The following TNFRSF1B variants were observed in gnomAD, a reference collection of about 807,000 sequenced individuals.
TNFRSF1B encodes TNF receptor superfamily member 1B.
TNFRSF1B carries 19 observed loss-of-function variants against 44.6 expected under a neutral mutation model. That is an observed-to-expected ratio of 0.43 (90% CI 0.30 to 0.62). TNFRSF1B has a LOEUF of 0.62. Among genes scored for constraint, TNFRSF1B ranks in the 20% least tolerant of loss-of-function variants. The pLI is 0.16. For synonymous variants in TNFRSF1B, 252 were observed against 261.1 expected, an observed-to-expected ratio of 0.97 and a Z score of 0.34; for missense variants, 541 against 619.9, an observed-to-expected ratio of 0.87 and a Z score of 1.35.
intron 9 of TNFRSF1B, 145 bp downstream of exon 9, chr1:12,202,316 C>T: frequency 7.6e-7 from 1 of 1,317,738 alleles, no homozygotes; most frequent in Non-Finnish European, 1.0e-6. Flanking sequence ...TTCGCTGAAC[C>T]TAAGTTCCCT....
intron 9 of TNFRSF1B, among the ~76,000 whole-genome samples, chr1:12,205,899 A>T (rs1004585782): frequency 6.6e-6 from 1 of 151,904 alleles, no homozygotes; most frequent in Non-Finnish European, 1.5e-5. Context: ...AAGTGCTGGG[A>T]TTACAGGCGT....
rs368738070 is a variant in TNFRSF1B at position 12,207,330 on chromosome 1, G to T, written c.*310G>T. The T allele has an allele frequency of 3.7e-5, 13 of 348,478 alleles. No homozygotes were observed. The South Asian group carries it at 4.3e-4, about 11-fold the overall frequency. 21.6% of individuals were successfully genotyped at this position (348,478 alleles called of 1,614,324 possible). A position where few individuals can be genotyped will look rare whatever the true frequency, so the allele number is the denominator to read the frequency against. On this transcript the variant is annotated 3_prime_UTR_variant, in exon 10 of 10. Coordinates refer to ENST00000376259, the MANE Select transcript of TNFRSF1B (RefSeq NM_001066.3). ...TGACCTGCCCCGCCCAGCTGCACCT[G>T]CCAGCCTGGCTTCTGGAGCCCTTGG...
intron 8 of TNFRSF1B, among the ~76,000 whole-genome samples, chr1:12,197,093 A>T (rs1050884532): frequency 6.6e-6 from 1 of 151,982 alleles, no homozygotes; most frequent in Non-Finnish European, 1.5e-5. Flanking sequence ...GACTATGGGC[A>T]TGCGCCACCA....
chr1:12,189,305 T>C (rs1056820682), intron 2 of TNFRSF1B, among the ~76,000 whole-genome samples: 2 of 152,222 alleles, frequency 1.3e-5, no homozygotes, highest in Non-Finnish European at 2.9e-5. Flanking sequence ...GATGTTCCCA[T>C]GGAAGCTCTT....
At chr1:12,183,483 T>C (rs2101091824) in intron 1 of TNFRSF1B, among the ~76,000 whole-genome samples, 1 of 152,162 alleles carries the variant, frequency 6.6e-6, no homozygotes, top group Admixed American at 6.5e-5. Flanking sequence ...TATGTATATA[T>C]GTATAGCTAT....
chr1:12,195,302 CA>C (rs1639242573), intron 8 of TNFRSF1B, among the ~76,000 whole-genome samples: 1 of 152,230 alleles, frequency 6.6e-6, no homozygotes, highest in African/African-American at 2.4e-5. Context: ...CCCAAACCTA[CA>C]GGTGACTTTA....
rs761685259 is a variant in TNFRSF1B, at chr1:12,191,847, G to A, written c.381G>A (p.Ala127=). 1.2e-6 allele frequency: 2 copies of A among 1,612,806 alleles called. No homozygotes were observed. The highest frequency in any genetic ancestry group is 1.3e-5 in the African/African-American group (1 of 75,046). ...ICTCRPGWYC[A]LSKQEGCRLC... Reference sequence around the variant, plus strand: ...CCTGCAGGCCCGGCTGGTACTGCGCGCTGAGCAAGCAGGAGGGGTGCCGGC... The same window carrying A: ...CCTGCAGGCCCGGCTGGTACTGCGCACTGAGCAAGCAGGAGGGGTGCCGGC... Residue 127 remains alanine (A), a synonymous_variant, in exon 4 of 10, where the codon GCG becomes GCA. Transcript: ENST00000376259.
rs1324134866 is a variant in TNFRSF1B, at chr1:12,207,094, G to A, written c.*74G>A. ...AGGATGACCCTGCGAAGGGGCCCTG[G>A]TCCTTCCAGGCCCCCACCACTAGGA... On this transcript the variant is annotated 3_prime_UTR_variant, in exon 10 of 10. Transcript: ENST00000376259. The A allele has an allele frequency of 3.4e-6, 5 of 1,456,786 alleles. No individual in the cohort carries two copies. In the Admixed American group the frequency reaches 6.8e-5, roughly 20 times the overall value. 90.2% of individuals were successfully genotyped at this position (1,456,786 alleles called of 1,614,324 possible).
At chr1:12,204,250 C>A (rs1454770748) in intron 9 of TNFRSF1B, among the ~76,000 whole-genome samples, 1 of 152,170 alleles carries the variant, frequency 6.6e-6, no homozygotes, top group African/African-American at 2.4e-5. Flanking sequence ...CAGGGTTGTG[C>A]CCCTTCATGG....
intron 1 of TNFRSF1B, among the ~76,000 whole-genome samples, chr1:12,170,620 C>T (rs980943525): frequency 3.3e-5 from 5 of 152,096 alleles, no homozygotes; most frequent in African/African-American, 7.2e-5. Flanking sequence ...AGAGTTTTGC[C>T]GGAGCCATGG....
In TNFRSF1B at chr1:12,193,077, G is replaced by A. The variant is rs1205723402; in HGVS notation, c.766G>A (p.Gly256Ser). 1 of 1,613,990 alleles carries A rather than the reference G, an allele frequency of 6.2e-7. No individual in the cohort carries two copies. The highest frequency in any genetic ancestry group is 1.1e-5 in the South Asian group (1 of 91,066). ...GPSPPAEGST[G>S]DFALPVGLIV... ...CAGCCCCCCAGCTGAAGGGAGCACT[G>A]GCGACTTCGCTCTTCCAGTTGGTAA... The change falls in exon 6 of 10, where the codon GGC becomes AGC. Residue 256 changes from glycine (G) to serine (S), a missense_variant. Gly to Ser is a moderately conservative substitution (Grantham distance 56, BLOSUM62 0). Coordinates refer to ENST00000376259, the MANE Select transcript of TNFRSF1B (RefSeq NM_001066.3).
Position 12,194,602 on chromosome 1 carries a change from A to G in TNFRSF1B, c.884A>G (p.Gln295Arg), listed in dbSNP as rs5746032. The change falls in exon 8 of 10, where the codon CAG becomes CGG. Residue 295 changes from glutamine to arginine, a missense_variant. Coordinates refer to ENST00000376259, the MANE Select transcript of TNFRSF1B (RefSeq NM_001066.3). ...TTTATAGAGAAGCCCTTGTGCCTGC[A>G]GAGAGAAGCCAAGGTGGTGAGTGTC... ...TQVKKKPLCLQREAKVPHLPA... is the reference protein window; with the variant it reads ...TQVKKKPLCLRREAKVPHLPA... 633 of 1,614,162 alleles carry G rather than the reference A, an allele frequency of 3.9e-4. No individual in the cohort carries two copies. Among genetic ancestry groups the G allele is most frequent in the Non-Finnish European group, 4.9e-4 (583 of 1,179,998 alleles).
intron 8 of TNFRSF1B, among the ~76,000 whole-genome samples, chr1:12,198,647 G>A (rs1297028872): frequency 1.3e-5 from 2 of 150,998 alleles, no homozygotes; most frequent in East Asian, 3.9e-4. Context: ...AGGAGGGGCC[G>A]GGAGCTGAGG....
At position 12,180,055 on chromosome 1, in the gene TNFRSF1B, C is replaced by G. The variant is rs1380442877; in HGVS notation, c.79-8741C>G. Among the ~76,000 whole-genome samples the G allele has an allele frequency of 2.0e-5, 3 of 151,808 alleles. No individual in the cohort carries two copies. The highest frequency in any genetic ancestry group is 4.4e-5 in the Non-Finnish European group (3 of 67,904). On this transcript the variant is annotated intron_variant, in intron 1 of 9. Coordinates refer to ENST00000376259, the MANE Select transcript of TNFRSF1B (RefSeq NM_001066.3). This position sits in a 1 kb window ranked among gnomAD's most constrained non-coding sequence, Gnocchi z 4.3. ...CGTTCTCAGCGGGTAGATCCCTGCC[C>G]AGGGGGGACCCCCTGGGGAAGGCTG...
chr1:12,174,925 C>A (rs1024816993), intron 1 of TNFRSF1B, among the ~76,000 whole-genome samples: 2 of 152,236 alleles, frequency 1.3e-5, no homozygotes, highest in African/African-American at 4.8e-5. Context: ...CCGGAGACAG[C>A]GCAGAAATCA....
intron 1 of TNFRSF1B, among the ~76,000 whole-genome samples, chr1:12,176,032 T>C (rs1174741999): frequency 6.7e-6 from 1 of 149,282 alleles, no homozygotes; most frequent in Non-Finnish European, 1.5e-5. Flanking sequence ...CTGGCCAACA[T>C]GGTGAAACCC....
At chr1:12,200,890 G>A (rs1361582973) in intron 8 of TNFRSF1B, among the ~76,000 whole-genome samples, 1 of 152,142 alleles carries the variant, frequency 6.6e-6, no homozygotes, top group Admixed American at 6.5e-5. Context: ...CAAAGTGTTG[G>A]GATTACAGGC....
In TNFRSF1B at chr1:12,189,956, C is replaced by T. The variant is rs1455944685; in HGVS notation, c.179-1001C>T. Reference sequence around the variant, plus strand: ...GAGCCTGTTTGGTGAGTTGGAGGAACAGCAGGGCCAGCATGTGTGGCCCAG... The same window carrying T: ...GAGCCTGTTTGGTGAGTTGGAGGAATAGCAGGGCCAGCATGTGTGGCCCAG... On this transcript the variant is annotated intron_variant, in intron 2 of 9. Transcript: ENST00000376259. Among the ~76,000 whole-genome samples, 4 of 152,304 alleles carry T rather than the reference C, an allele frequency of 2.6e-5. No individual in the cohort carries two copies. In the East Asian group the frequency reaches 7.7e-4, roughly 29 times the overall value.
chr1:12,183,739 A>ATCTAT (rs1638894129), intron 1 of TNFRSF1B, among the ~76,000 whole-genome samples: 1 of 124,136 alleles, frequency 8.1e-6, no homozygotes, highest in African/African-American at 2.8e-5. Context: ...CTATCTATCT[A>ATCTAT]TCTATCTATC....
Sources: gnomAD v4.1 joint callset for allele counts (sites outside exome capture counted in the v4.1 genomes callset) on GRCh38, gnomAD v4.1.1 for gene constraint, Gnocchi (gnomAD v3.1) non-coding constraint, MANE v1.5 for transcripts, NCBI Gene and HGNC (gene_info 2026-07-23, HGNC 2026-07-21) for gene names.